The following SCN9A variants were observed in gnomAD, a reference collection of about 807,000 sequenced individuals.
SCN9A encodes the protein sodium channel protein type 9 subunit alpha.
SCN9A carries 131 observed loss-of-function variants against 187.0 expected under a neutral mutation model. The ratio of observed to expected loss-of-function variants is 0.70; its 90% confidence interval spans 0.61 to 0.81. SCN9A has a LOEUF of 0.81. Among genes scored for constraint, SCN9A ranks in the 30% least tolerant of loss-of-function variants. The pLI, the probability that SCN9A is intolerant of heterozygous loss-of-function variation, is 0.00. For synonymous variants in SCN9A, 809 were observed against 808.6 expected (o/e 1.00, Z -0.01); for missense variants, 2,252 against 2,396.6 (o/e 0.94, Z 1.26).
chr2:166,277,400 C>A, intron 15 of SCN9A, 61 bp from the exon 16 acceptor site: 1 of 1,187,326 alleles, frequency 8.4e-7, no homozygotes, highest in Non-Finnish European at 1.2e-6. Flanking sequence ...TGTTTCCAAT[C>A]TTGATTTTTG....
intron 26 of SCN9A, among the ~76,000 whole-genome samples, chr2:166,202,873 G>A (rs1474025753): frequency 3.3e-5 from 5 of 151,580 alleles, no homozygotes. Context: ...ATATGAACAA[G>A]TTCTTTCATT....
chr2:166,248,695 C>T (rs1695901571), intron 18 of SCN9A, among the ~76,000 whole-genome samples: 1 of 152,120 alleles, frequency 6.6e-6, no homozygotes, highest in Non-Finnish European at 1.5e-5. Context: ...GAGACAGAGT[C>T]TTCCTCTGTC....
At chr2:166,346,116 G>A (rs1699894876) in intron 1 of SCN9A, among the ~76,000 whole-genome samples, 2 of 152,124 alleles carry the variant, frequency 1.3e-5, no homozygotes, top group Admixed American at 1.3e-4. Context: ...GAGGTAATTT[G>A]TATTACCACT....
rs1275434115 is a variant in SCN9A, at chr2:166,199,755, C to G, written c.4884G>C (p.Lys1628Asn). 2 of 1,613,962 alleles carry G rather than the reference C, an allele frequency of 1.2e-6. No homozygotes were observed. Among genetic ancestry groups the G allele is most frequent in the Non-Finnish European group, 1.7e-6 (2 of 1,180,034 alleles). Residue 1628 changes from lysine to asparagine, a missense_variant, in exon 27 of 27, where the codon AAG (lysine) becomes AAC (asparagine). Physicochemically the swap from Lys to Asn is moderately conservative, Grantham distance 94. This residue lies in a region of SCN9A where 84 missense variants were observed against 134.2 expected (regional missense o/e 0.63). Transcript: ENST00000642356. ...GRILRLVKGA[K>N]GIRTLLFALM... ...AAGCAAAGAGCAGCGTGCGGATCCC[C>G]TTTGCTCCTTTGACTAGACGTAGGA...
intron 7 of SCN9A, among the ~76,000 whole-genome samples, chr2:166,299,634 C>T (rs1044665968): frequency 6.7e-6 from 1 of 149,748 alleles, no homozygotes; most frequent in Non-Finnish European, 1.5e-5. Flanking sequence ...CTTTAAATAC[C>T]AGGTTTCCCA....
chr2:166,292,876 C>A (rs1261573131), intron 9 of SCN9A, among the ~76,000 whole-genome samples: 5 of 152,086 alleles, frequency 3.3e-5, no homozygotes, highest in Admixed American at 6.6e-5. Context: ...CATCAGAGAG[C>A]CTCTTCTCTT....
intron 1 of SCN9A, among the ~76,000 whole-genome samples, chr2:166,354,739 C>G (rs915274613): frequency 1.3e-5 from 2 of 152,190 alleles, no homozygotes; most frequent in East Asian, 1.9e-4. Flanking sequence ...AGCTTGTACG[C>G]AAATAACAGG....
chr2:166,334,964 A>G (rs1699592235), intron 1 of SCN9A, among the ~76,000 whole-genome samples: 2 of 152,138 alleles, frequency 1.3e-5, no homozygotes, highest in Admixed American at 1.3e-4. Flanking sequence ...GAAATCATAC[A>G]TCTATTTGCT....
chr2:166,316,858 T>A (rs954863231), intron 1 of SCN9A, among the ~76,000 whole-genome samples: 14 of 152,282 alleles, frequency 9.2e-5, no homozygotes, highest in African/African-American at 3.4e-4. Flanking sequence ...ATATATTTAC[T>A]ACAATATTTT....
intron 24 of SCN9A, 108 bp downstream of exon 24, chr2:166,226,459 C>A: frequency 2.7e-6 from 2 of 746,238 alleles, no homozygotes; most frequent in South Asian, 2.5e-5. Context: ...AAATGAAGTT[C>A]TAATAAAATT....
intron 1 of SCN9A, among the ~76,000 whole-genome samples, chr2:166,333,065 T>C (rs969454315): frequency 5.3e-5 from 8 of 151,798 alleles, no homozygotes; most frequent in African/African-American, 1.9e-4. Context: ...AAATAATAAT[T>C]GTAAGAATGC....
intron 1 of SCN9A, among the ~76,000 whole-genome samples, chr2:166,326,238 A>G (rs1378959537): frequency 6.6e-6 from 1 of 152,016 alleles, no homozygotes; most frequent in East Asian, 2.0e-4. Context: ...TAAGAAGTAC[A>G]ATTTAGTCAT....
At chr2:166,217,464 T>A (rs1574736201) in intron 24 of SCN9A, among the ~76,000 whole-genome samples, 1 of 151,958 alleles carries the variant, frequency 6.6e-6, no homozygotes, top group Non-Finnish European at 1.5e-5. Context: ...ATACATCTGA[T>A]AAAGGGCTAA....
intron 2 of SCN9A, among the ~76,000 whole-genome samples, chr2:166,309,652 T>C (rs950985440): frequency 1.7e-4 from 25 of 151,188 alleles, no homozygotes; most frequent in Non-Finnish European, 3.1e-4. Flanking sequence ...GAAGAATCAA[T>C]ATCGTGAAAA....
chr2:166,307,392 A>G (rs1010222479), intron 2 of SCN9A, among the ~76,000 whole-genome samples: 4 of 152,230 alleles, frequency 2.6e-5, no homozygotes, highest in Admixed American at 2.6e-4. Flanking sequence ...GTTATTTTAA[A>G]GTACAACTTC....
chr2:166,292,638 T>C (rs1274212089), intron 9 of SCN9A, among the ~76,000 whole-genome samples: 1 of 152,084 alleles, frequency 6.6e-6, no homozygotes, highest in Non-Finnish European at 1.5e-5. Flanking sequence ...ACTATACAAG[T>C]AAATGGAGAC....
rs200817449 is a variant in SCN9A at position 166,199,419 on chromosome 2, A to G, written c.5220T>C (p.Phe1740=). 12 of 1,614,188 alleles carry G rather than the reference A, an allele frequency of 7.4e-6. No homozygotes were observed. In the East Asian group the frequency reaches 2.0e-4, roughly 27 times the overall value. ...GGAAGGATATGATGATATAACTAAC[A>G]AAGTAGAATATTCCAACAGATGGGT... is the stretch of plus-strand genomic sequence containing the variant. The part of the protein sequence containing the change: ...CGNPSVGIFY[F]VSYIIISFLV... The change falls in exon 27 of 27, where the codon TTT becomes TTC. Residue 1740 remains phenylalanine (F), a synonymous_variant. Coordinates refer to ENST00000642356, the MANE Select transcript of SCN9A (RefSeq NM_001365536.1).
intron 17 of SCN9A, among the ~76,000 whole-genome samples, chr2:166,252,748 G>A (rs549455172): frequency 6.6e-6 from 1 of 151,766 alleles, no homozygotes; most frequent in Non-Finnish European, 1.5e-5. Flanking sequence ...AGAGCTTTAT[G>A]AGTAACCATG....
chr2:166,268,903 T>C (rs1696857196), intron 17 of SCN9A, among the ~76,000 whole-genome samples: 1 of 151,904 alleles, frequency 6.6e-6, no homozygotes, highest in Admixed American at 6.6e-5. Context: ...TCTTAAGTAA[T>C]AATAATGATG....
Sources: gnomAD v4.1 joint callset for allele counts (sites outside exome capture counted in the v4.1 genomes callset) on GRCh38, gnomAD v4.1.1 for gene constraint, gnomAD v4.1.1 regional missense constraint, MANE v1.5 for transcripts, NCBI Gene and HGNC (gene_info 2026-07-23, HGNC 2026-07-21) for gene names.